The following SLC9A7 variants were observed in gnomAD, a reference collection of about 807,000 sequenced individuals.
SLC9A7 encodes the protein solute carrier family 9 member A7.
A neutral mutation model predicts 52.6 loss-of-function variants in SLC9A7; 19 were observed. The ratio of observed to expected loss-of-function variants is 0.36; its 90% CI spans 0.25 to 0.53. SLC9A7 has a LOEUF of 0.53. SLC9A7 is among the 20% of genes least tolerant of loss of function. SLC9A7 has a pLI of 0.91. For synonymous variants in SLC9A7, 226 were observed against 252.1 expected (o/e 0.90, Z 0.98); for missense variants, 455 against 597.9 (o/e 0.76, Z 2.49).
chrX:46,722,997 T>C (rs1264209948), intron 1 of SLC9A7, among the ~76,000 whole-genome samples: 14 of 111,359 alleles, frequency 1.3e-4, no homozygotes, highest in African/African-American at 4.6e-4. Context: ...TGTGAGGAGC[T>C]GGAGTACTGT....
At chrX:46,720,419 T>A (rs773164290) in intron 1 of SLC9A7, among the ~76,000 whole-genome samples, 125 of 110,605 alleles carry the variant, frequency 1.1e-3, no homozygotes, top group Non-Finnish European at 1.7e-3. Context: ...CCTGACTGGA[T>A]TTTCTGCAGT....
chrX:46,613,231 C>G (rs6611276), intron 16 of SLC9A7, 58 bp downstream of exon 16: 1 of 878,958 alleles, frequency 1.1e-6, no homozygotes, highest in East Asian at 3.2e-5. Context: ...CTTCTTCCTA[C>G]GTAAGACACT....
At chrX:46,697,894 G>A (rs906791530) in intron 1 of SLC9A7, among the ~76,000 whole-genome samples, 3 of 111,738 alleles carry the variant, frequency 2.7e-5, no homozygotes, top group African/African-American at 9.8e-5. Context: ...GAAAGAGAAT[G>A]TGCACCTGGG....
At chrX:46,718,881 C>T (rs1159334133) in intron 1 of SLC9A7, among the ~76,000 whole-genome samples, 1 of 112,036 alleles carries the variant, frequency 8.9e-6, no homozygotes, top group Non-Finnish European at 1.9e-5. Context: ...TTGTGGAAGA[C>T]AGTGTGGTGA....
At chrX:46,661,278 C>T (rs1452308693) in intron 7 of SLC9A7, among the ~76,000 whole-genome samples, 10 of 109,426 alleles carry the variant, frequency 9.1e-5, no homozygotes, top group African/African-American at 2.0e-4. Context: ...TGCTAGATGA[C>T]GAGTTAGTGG....
intron 8 of SLC9A7, among the ~76,000 whole-genome samples, chrX:46,653,387 CCT>C (rs963906502): frequency 6.3e-5 from 7 of 111,312 alleles, no homozygotes; most frequent in African/African-American, 2.3e-4. Flanking sequence ...ACAGCAAGAC[CCT>C]GTCTCTAAAA....
chrX:46,758,889 C>T lies in SLC9A7; in HGVS notation c.141G>A (p.Ala47=). The part of the protein sequence containing the change: ...AAASASSSGA[A]AEDSSAMEEL... Reference sequence around the variant, plus strand: ...CCTCCATGGCGCTGCTGTCCTCCGCCGCCGCCCCAGAGGAGGAGGCCGAGG... The same window carrying T: ...CCTCCATGGCGCTGCTGTCCTCCGCTGCCGCCCCAGAGGAGGAGGCCGAGG... The change falls in exon 1 of 17, where the codon GCG becomes GCA. Residue 47 remains alanine (A), a synonymous_variant. Transcript: ENST00000616978. The T allele has an allele frequency of 8.4e-7, 1 of 1,184,656 alleles. No individual in the cohort carries two copies. The highest frequency in any genetic ancestry group is 1.1e-6 in the Non-Finnish European group (1 of 883,709).
At chrX:46,688,316 G>A in intron 1 of SLC9A7, among the ~76,000 whole-genome samples, 1 of 111,503 alleles carries the variant, frequency 9.0e-6, no homozygotes, top group Non-Finnish European at 1.9e-5. Context: ...ACAGTTTGTT[G>A]GCCGGGCGCA....
intron 1 of SLC9A7, among the ~76,000 whole-genome samples, chrX:46,722,379 G>A (rs780037218): frequency 8.9e-6 from 1 of 111,807 alleles, no homozygotes; most frequent in African/African-American, 3.2e-5. Flanking sequence ...CTTTGTTTCT[G>A]TGACAATGTT....
chrX:46,751,262 C>G (rs782361175), intron 1 of SLC9A7, among the ~76,000 whole-genome samples: 1 of 111,246 alleles, frequency 9.0e-6, no homozygotes, highest in African/African-American at 3.3e-5. Context: ...GAGACAGCCA[C>G]CTGCCAGTCC....
At chrX:46,700,952 T>C (rs1350227564) in intron 1 of SLC9A7, among the ~76,000 whole-genome samples, 2 of 111,825 alleles carry the variant, frequency 1.8e-5, no homozygotes, top group Non-Finnish European at 3.8e-5. Flanking sequence ...ATGAGCTTTT[T>C]TGATCTTCCA....
chrX:46,687,983 TTATC>T (rs749165124), intron 1 of SLC9A7, among the ~76,000 whole-genome samples: 6 of 112,525 alleles, frequency 5.3e-5, no homozygotes, highest in Non-Finnish European at 1.1e-4. Context: ...TTTTCAAGGT[TTATC>T]TATGTTGGAG....
chrX:46,621,089 G>A, intron 14 of SLC9A7, 30 bp from the exon 15 acceptor site: 2 of 1,033,402 alleles, frequency 1.9e-6, no homozygotes, highest in Non-Finnish European at 2.7e-6. Context: ...CACATGCTTA[G>A]TTGTACAAAA....
intron 1 of SLC9A7, among the ~76,000 whole-genome samples, chrX:46,740,690 G>C (rs1171690435): frequency 3.6e-5 from 4 of 111,067 alleles, no homozygotes; most frequent in Non-Finnish European, 7.6e-5. Flanking sequence ...CCTACAGCTA[G>C]CTTTAATGGT....
At chrX:46,734,240 CA>C in intron 1 of SLC9A7, among the ~76,000 whole-genome samples, 1 of 109,874 alleles carries the variant, frequency 9.1e-6, no homozygotes, top group Non-Finnish European at 1.9e-5. Context: ...GATTAAAACA[CA>C]CACACACACA....
intron 14 of SLC9A7, among the ~76,000 whole-genome samples, chrX:46,625,364 T>C (rs1408028965): frequency 1.8e-5 from 2 of 109,762 alleles, no homozygotes; most frequent in Non-Finnish European, 3.8e-5. Context: ...GCTTTGTGGA[T>C]GGACTTAAGG....
chrX:46,726,440 C>G (rs188952714), intron 1 of SLC9A7, among the ~76,000 whole-genome samples: 21 of 111,501 alleles, frequency 1.9e-4, no homozygotes, highest in Non-Finnish European at 3.4e-4. Flanking sequence ...TCCTTCTTCC[C>G]CAGACCATGT....
intron 8 of SLC9A7, 51 bp from the exon 9 acceptor site, chrX:46,651,455 G>GAA: frequency 8.9e-6 from 8 of 896,702 alleles, no homozygotes; most frequent in African/African-American, 4.1e-5. Context: ...AGAGGCAGGG[G>GAA]AAAAAAAAAA....
intron 13 of SLC9A7, among the ~76,000 whole-genome samples, chrX:46,633,287 G>C (rs986510751): frequency 1.3e-5 from 1 of 79,521 alleles, no homozygotes; most frequent in African/African-American, 5.1e-5. Context: ...TGCAGAACAG[G>C]AGATTTCTAA....
Sources: gnomAD v4.1 joint callset for allele counts (sites outside exome capture counted in the v4.1 genomes callset) on GRCh38, gnomAD v4.1.1 for gene constraint, MANE v1.5 for transcripts, NCBI Gene and HGNC (gene_info 2026-07-23, HGNC 2026-07-21) for gene names.